The following HIPK3 variants were observed in gnomAD, a reference collection of about 807,000 sequenced individuals.
The protein encoded by HIPK3 is homeodomain interacting protein kinase 3.
HIPK3 carries 47 observed loss-of-function variants against 124.2 expected under a neutral mutation model. The ratio of observed to expected loss-of-function variants is 0.38; its 90% confidence interval spans 0.30 to 0.48. The LOEUF (loss-of-function observed/expected upper bound fraction) is 0.48. Among genes scored for constraint, HIPK3 ranks in the 20% least tolerant of loss-of-function variants. The pLI is 0.98. For synonymous variants in HIPK3, 482 were observed against 515.2 expected (o/e 0.94, Z 0.87); for missense variants, 1,286 against 1,454.3 (o/e 0.88, Z 1.88).
rs146601438 is a variant in HIPK3 at position 33,313,289 on chromosome 11, G to A, written c.1098-15221G>A. On this transcript the variant is annotated intron_variant, in intron 2 of 16. Transcript: ENST00000303296. ...CAGCTAAGCAAAACTAAAGAAACAT[G>A]AATCTGGGATTTATTTATTTTTTTA... Among the ~76,000 whole-genome samples, 294 of 152,294 alleles carry A rather than the reference G, an allele frequency of 1.9e-3. 1 individual carries two copies. The highest frequency in any genetic ancestry group is 6.7e-3 in the African/African-American group (278 of 41,558).
In HIPK3 at chr11:33,286,794, T is replaced by A; in HGVS notation, c.380T>A (p.Leu127Ter). The A allele has an allele frequency of 6.2e-7, 1 of 1,614,092 alleles. No individual in the cohort carries two copies. Among genetic ancestry groups the A allele is most frequent in the South Asian group, 1.1e-5 (1 of 91,082 alleles). Residue 127 changes from leucine to a stop codon, truncating the protein, a stop_gained, in exon 2 of 17, where the codon TTG becomes TAG. Coordinates refer to ENST00000303296, the MANE Select transcript of HIPK3 (RefSeq NM_005734.5). LOFTEE classifies it high-confidence loss of function. Reference sequence around the variant, plus strand: ...CTAGAAGGCCCCCAGCGATGTGGATTGAAGCGCAAGAGTGAGGAGTTGGAT... The same window carrying A: ...CTAGAAGGCCCCCAGCGATGTGGATAGAAGCGCAAGAGTGAGGAGTTGGAT... ...HFLEGPQRCG[L>*]KRKSEELDNH...
intron 8 of HIPK3, among the ~76,000 whole-genome samples, chr11:33,342,672 C>T (rs146317208): frequency 3.9e-5 from 6 of 152,138 alleles, no homozygotes; most frequent in African/African-American, 1.4e-4. Context: ...CTTAGCCTCC[C>T]GAGTAGCTGG....
chr11:33,352,091 T>C, intron 15 of HIPK3, 47 bp from the exon 16 acceptor site: 1 of 1,558,926 alleles, frequency 6.4e-7, no homozygotes. Context: ...AATTTTTTAT[T>C]TGAAAAGGAA....
intron 5 of HIPK3, among the ~76,000 whole-genome samples, chr11:33,339,056 TAAA>T (rs1853249208): frequency 6.6e-6 from 1 of 152,230 alleles, no homozygotes; most frequent in African/African-American, 2.4e-5. Flanking sequence ...CGTTCTTTAG[TAAA>T]AAAGTTTTTG....
At chr11:33,335,466 A>G (rs1029333185) in intron 3 of HIPK3, among the ~76,000 whole-genome samples, 4 of 152,334 alleles carry the variant, frequency 2.6e-5, no homozygotes, top group South Asian at 2.1e-4. Flanking sequence ...AAGGATTTAT[A>G]TGTGATTATT....
chr11:33,259,260 G>A (rs1434237856), intron 1 of HIPK3, among the ~76,000 whole-genome samples: 2 of 152,200 alleles, frequency 1.3e-5, no homozygotes, highest in Non-Finnish European at 2.9e-5. Context: ...GAGCCGTAAC[G>A]GTGGTTACTG....
chr11:33,320,906 G>A (rs558540898), intron 2 of HIPK3, among the ~76,000 whole-genome samples: 1 of 152,234 alleles, frequency 6.6e-6, no homozygotes, highest in Non-Finnish European at 1.5e-5. Context: ...AAAAGAGAGA[G>A]GTCTGAGTTG....
At chr11:33,345,870 A>G (rs749044619) in intron 8 of HIPK3, among the ~76,000 whole-genome samples, 2 of 152,196 alleles carry the variant, frequency 1.3e-5, no homozygotes, top group Non-Finnish European at 2.9e-5. Flanking sequence ...TCTCTTTAGG[A>G]TTAACACTTA....
intron 1 of HIPK3, among the ~76,000 whole-genome samples, chr11:33,282,799 G>T (rs978223028): frequency 6.6e-5 from 10 of 152,250 alleles, no homozygotes; most frequent in African/African-American, 2.4e-4. Flanking sequence ...CGAGTAGGGT[G>T]TAGTGGTTCG....
At chr11:33,317,622 A>C (rs1443630695) in intron 2 of HIPK3, among the ~76,000 whole-genome samples, 1 of 152,186 alleles carries the variant, frequency 6.6e-6, no homozygotes, top group East Asian at 1.9e-4. Flanking sequence ...TATTGTGGAA[A>C]TATATAGCAT....
At position 33,286,789 on chromosome 11, in the gene HIPK3, T is replaced by C. The variant is rs1264455418; in HGVS notation, c.375T>C (p.Cys125=). ...RLHFLEGPQR[C]GLKRKSEELD... ...ATTTCCTAGAAGGCCCCCAGCGATG[T>C]GGATTGAAGCGCAAGAGTGAGGAGT... Residue 125 remains cysteine, a synonymous_variant, in exon 2 of 17, where the codon TGT becomes TGC. Transcript: ENST00000303296. 1.9e-6 allele frequency: 3 copies of C among 1,614,086 alleles called. No individual in the cohort carries two copies. The East Asian group carries it at 6.7e-5, about 36-fold the overall frequency.
chr11:33,350,030 G>A (rs540813372), intron 14 of HIPK3, among the ~76,000 whole-genome samples: 215 of 152,286 alleles, frequency 1.4e-3, no homozygotes, highest in African/African-American at 5.0e-3. Flanking sequence ...CTCCCAAAAT[G>A]CTAGGATTAC....
intron 2 of HIPK3, among the ~76,000 whole-genome samples, chr11:33,289,807 C>T (rs1851652196): frequency 6.6e-6 from 1 of 152,140 alleles, no homozygotes; most frequent in Non-Finnish European, 1.5e-5. Flanking sequence ...TACTCCCTAC[C>T]CCCATCTACT....
chr11:33,258,344 A>G (rs1850727804), intron 1 of HIPK3: 2 of 985,422 alleles, frequency 2.0e-6, no homozygotes, highest in South Asian at 4.7e-5. Flanking sequence ...ATTAAGGGGA[A>G]CAAACAAACG....
chr11:33,346,506 A>G (rs1853497140), intron 8 of HIPK3, among the ~76,000 whole-genome samples: 1 of 152,180 alleles, frequency 6.6e-6, no homozygotes, highest in East Asian at 1.9e-4. Flanking sequence ...GTTGTGATGT[A>G]TTTCTGTTTT....
intron 1 of HIPK3, among the ~76,000 whole-genome samples, chr11:33,268,420 T>A (rs10836045): frequency 0.56 from 84,229 of 151,002 alleles, 25,458 homozygotes; most frequent in Non-Finnish European, 0.68. Flanking sequence ...ATAGTGAGAC[T>A]CCATCTCTAT....
rs371930166 is a variant in HIPK3, at chr11:33,306,873, T to G, written c.1097+19362T>G. On this transcript the variant is annotated intron_variant, in intron 2 of 16. Coordinates refer to ENST00000303296, the MANE Select transcript of HIPK3 (RefSeq NM_005734.5). ...GCCTGCTTTTGGTATTATGTGCTGC[T>G]GTTGCTTTTCAGGGAAGAATCTTTG... Among the ~76,000 whole-genome samples the G allele has an allele frequency of 1.2e-4, 18 of 152,304 alleles. No individual in the cohort carries two copies. The East Asian group carries it at 1.9e-3, about 16-fold the overall frequency.
chr11:33,347,833 G>C lies in HIPK3; in HGVS notation c.2145-19G>C. On this transcript the variant is annotated intron_variant, in intron 10 of 16. Coordinates refer to ENST00000303296, the MANE Select transcript of HIPK3 (RefSeq NM_005734.5). ...AAGAAAGATCTTGATTAAAAACATT[G>C]TTCTGAACTTCTCCCTAGGAAGATG... is the stretch of plus-strand genomic sequence containing the variant. 4 of 1,614,044 alleles carry C rather than the reference G, an allele frequency of 2.5e-6. 1 individual carries two copies. Among genetic ancestry groups the C allele is most frequent in the Non-Finnish European group, 3.4e-6 (4 of 1,179,930 alleles).
chr11:33,287,647 C>G (rs560257273), intron 2 of HIPK3, 136 bp downstream of exon 2: 13 of 968,718 alleles, frequency 1.3e-5, no homozygotes, highest in Middle Eastern at 5.2e-4. Context: ...AATTTAGGTT[C>G]GTTTTAAAGA....
Sources: gnomAD v4.1 joint callset for allele counts (sites outside exome capture counted in the v4.1 genomes callset) on GRCh38, gnomAD v4.1.1 for gene constraint, MANE v1.5 for transcripts, NCBI Gene and HGNC (gene_info 2026-07-23, HGNC 2026-07-21) for gene names.